The following SENP8 variants were observed in gnomAD, a reference collection of about 807,000 sequenced individuals.
SENP8 encodes sentrin-specific protease 8.
A neutral mutation model predicts 14.4 loss-of-function variants in SENP8; 10 were observed. The observed-to-expected ratio is 0.69, with a 90% CI of 0.43 to 1.18. SENP8 has a LOEUF of 1.18. Among genes scored for constraint, SENP8 ranks in the 50% most tolerant of loss-of-function variants. The pLI, the probability that SENP8 is intolerant of heterozygous loss-of-function variation, is 0.00. For synonymous variants in SENP8, 94 were observed against 95.5 expected, an observed-to-expected ratio of 0.98 and a Z score of 0.09; for missense variants, 202 against 249.4, an observed-to-expected ratio of 0.81 and a Z score of 1.28.
Position 72,140,357 on chromosome 15 carries a change from T to G in SENP8, c.*95T>G, listed in dbSNP as rs1273864357. 1.2e-6 allele frequency: 1 copy of G among 848,342 alleles called. No individual in the cohort carries two copies. Among genetic ancestry groups the G allele is most frequent in the Non-Finnish European group, 1.9e-6 (1 of 524,462 alleles). 52.6% of individuals were successfully genotyped at this position (848,342 alleles called of 1,614,324 possible). A position where few individuals can be genotyped will look rare whatever the true frequency, so the allele number is the denominator to read the frequency against. On this transcript the variant is annotated 3_prime_UTR_variant, in exon 2 of 2. Transcript: ENST00000340912. ...ATCTCAGTGCCTGAGGGAAGATGCC[T>G]AGTAGAGGAAAGCTTAATACTCTTT...
intron 1 of SENP8, among the ~76,000 whole-genome samples, chr15:72,129,215 T>A (rs2081247748): frequency 6.6e-6 from 1 of 152,240 alleles, no homozygotes; most frequent in Non-Finnish European, 1.5e-5. Context: ...TTAGTATTTT[T>A]AAGCATTTCC....
chr15:72,118,057 C>A, upstream of SENP8: 3 of 395,984 alleles, frequency 7.6e-6, no homozygotes, highest in Non-Finnish European at 1.3e-5. Context: ...ACCGCCGCCG[C>A]GTCCCTTATC....
At chr15:72,126,542 T>C (rs936635073) in intron 1 of SENP8, among the ~76,000 whole-genome samples, 2 of 152,122 alleles carry the variant, frequency 1.3e-5, no homozygotes, top group Non-Finnish European at 2.9e-5. Context: ...GGAGAATCGC[T>C]TGAACCCAGG....
At chr15:72,129,244 T>C (rs757806224) in intron 1 of SENP8, among the ~76,000 whole-genome samples, 8 of 152,256 alleles carry the variant, frequency 5.3e-5, no homozygotes, top group Non-Finnish European at 1.2e-4. Context: ...AAAATCCAGA[T>C]TGAGTCCAGG....
upstream of SENP8, among the ~76,000 whole-genome samples, chr15:72,115,655 G>A (rs2080944486): frequency 6.6e-6 from 1 of 152,136 alleles, no homozygotes; most frequent in African/African-American, 2.4e-5. Flanking sequence ...TTTTTAAAAT[G>A]CAAATCTGAT....
upstream of SENP8, chr15:72,117,721 C>T (rs1377701375): frequency 1.3e-5 from 5 of 397,282 alleles, no homozygotes; most frequent in African/African-American, 1.0e-4. Flanking sequence ...CCCTCCTCTT[C>T]GACGGAAGCT....
At chr15:72,131,971 A>T (rs1312432713) in intron 1 of SENP8, among the ~76,000 whole-genome samples, 1 of 152,214 alleles carries the variant, frequency 6.6e-6, no homozygotes, top group Non-Finnish European at 1.5e-5. Context: ...TGTAGATCAG[A>T]CAAGGTGCTG....
At chr15:72,130,408 G>C (rs1487616184) in intron 1 of SENP8, among the ~76,000 whole-genome samples, 3 of 152,128 alleles carry the variant, frequency 2.0e-5, no homozygotes, top group African/African-American at 7.2e-5. Flanking sequence ...TCTGTCCTTA[G>C]AGGTCAAAAG....
chr15:72,137,896 C>T (rs1366636215), intron 1 of SENP8, among the ~76,000 whole-genome samples: 1 of 151,532 alleles, frequency 6.6e-6, no homozygotes, highest in African/African-American at 2.4e-5. Context: ...GGTGTGAACC[C>T]GGGAAGCGGA....
upstream of SENP8, chr15:72,117,214 T>A (rs561601635): frequency 6.6e-6 from 1 of 152,030 alleles, no homozygotes; most frequent in Non-Finnish European, 1.5e-5. Flanking sequence ...ATGGCTAGGG[T>A]TAGTGCTAGT....
chr15:72,127,190 G>A (rs1462881861), intron 1 of SENP8, among the ~76,000 whole-genome samples: 4 of 152,176 alleles, frequency 2.6e-5, no homozygotes, highest in African/African-American at 9.7e-5. Context: ...TATTTTCATA[G>A]AGCTTACATT....
rs372938472 is a variant in SENP8, at chr15:72,139,917, T to C, written c.294T>C (p.Ala98=). 14 of 1,614,118 alleles carry C rather than the reference T, an allele frequency of 8.7e-6. No homozygotes were observed. The African/African-American group carries it at 1.5e-4, about 17-fold the overall frequency. ...TCAATGATAACTCCAACCAGGCAGC[T>C]GGAGGAACCCACTGGAGTTTATTGG... ...LAINDNSNQA[A]GGTHWSLLVY... The change falls in exon 2 of 2, where the codon GCT becomes GCC. Residue 98 remains alanine, a synonymous_variant. Transcript: ENST00000340912.
rs2081363110 is a variant in SENP8, at chr15:72,139,819, A to G, written c.196A>G (p.Ser66Gly). 6.2e-7 allele frequency: 1 copy of G among 1,614,080 alleles called. No individual in the cohort carries two copies. Among genetic ancestry groups the G allele is most frequent in the African/African-American group, 1.3e-5 (1 of 74,926 alleles). ...AGTCACCCAGTTCATCAAGTGCACTAGCAACCCAGCAGAGATTGCCATGTT... is the reference window on the plus strand; with the variant it reads ...AGTCACCCAGTTCATCAAGTGCACTGGCAACCCAGCAGAGATTGCCATGTT... Reference protein sequence around the residue: ...PEVTQFIKCTSNPAEIAMFLE... With the variant: ...PEVTQFIKCTGNPAEIAMFLE... The change falls in exon 2 of 2, where the codon AGC (serine) becomes GGC (glycine). Residue 66 changes from serine to glycine, a missense_variant. Transcript: ENST00000340912.
intron 1 of SENP8, among the ~76,000 whole-genome samples, chr15:72,134,104 C>G (rs1157575587): frequency 6.6e-6 from 1 of 152,118 alleles, no homozygotes; most frequent in Non-Finnish European, 1.5e-5. Flanking sequence ...ACCCACCATG[C>G]CCCGCTAATT....
At chr15:72,118,126 G>A (rs2081074841), upstream of SENP8, 1 of 383,328 alleles carries the variant, frequency 2.6e-6, no homozygotes, top group Non-Finnish European at 4.6e-6. Flanking sequence ...CGACTCCCCG[G>A]CTGCAGGCGA....
chr15:72,130,081 C>A (rs2081258552), intron 1 of SENP8, among the ~76,000 whole-genome samples: 2 of 151,964 alleles, frequency 1.3e-5, no homozygotes, highest in Admixed American at 6.6e-5. Context: ...TCCCAGCTAC[C>A]TGGGAGGCTG....
chr15:72,140,056 G>A lies in SENP8; in HGVS notation c.433G>A (p.Asp145Asn). ...KLEAFLGRKG[D>N]KLAFVEEKAP... is the part of the protein sequence containing the mutation. Reference sequence around the variant, plus strand: ...GGAGGCTTTCTTAGGCAGAAAAGGAGACAAACTGGCCTTTGTGGAAGAGAA... The same window carrying A: ...GGAGGCTTTCTTAGGCAGAAAAGGAAACAAACTGGCCTTTGTGGAAGAGAA... Residue 145 changes from aspartate to asparagine, a missense_variant, in exon 2 of 2, where the codon GAC becomes AAC. Transcript: ENST00000340912. 6.2e-7 allele frequency: 1 copy of A among 1,614,186 alleles called. No homozygotes were observed. The highest frequency in any genetic ancestry group is 1.1e-5 in the South Asian group (1 of 91,086).
intron 1 of SENP8, among the ~76,000 whole-genome samples, chr15:72,132,663 T>TA (rs1190979714): frequency 6.6e-6 from 1 of 151,210 alleles, no homozygotes; most frequent in Non-Finnish European, 1.5e-5. Context: ...CTTTTTTTTT[T>TA]TTTTTTTTTT....
At chr15:72,116,520 G>C (rs1298435690), upstream of SENP8, among the ~76,000 whole-genome samples, 4 of 152,124 alleles carry the variant, frequency 2.6e-5, no homozygotes, top group Non-Finnish European at 5.9e-5. Context: ...GGAGAAGCAA[G>C]ACAGCAGCAC....
Sources: gnomAD v4.1 joint callset for allele counts (sites outside exome capture counted in the v4.1 genomes callset) on GRCh38, gnomAD v4.1.1 for gene constraint, MANE v1.5 for transcripts, NCBI Gene and HGNC (gene_info 2026-07-23, HGNC 2026-07-21) for gene names.